JSRP1: variants seen among roughly 807,000 people sequenced by gnomAD.
The protein encoded by JSRP1 is junctional sarcoplasmic reticulum protein 1.
A neutral mutation model predicts 21.4 loss-of-function variants in JSRP1; 29 were observed. The observed-to-expected ratio is 1.36, with a 90% confidence interval of 1.01 to 1.85. JSRP1 has a LOEUF of 1.85. Among genes scored for constraint, JSRP1 ranks in the 40% most tolerant of loss-of-function variants. The pLI is 0.00. For missense variants in JSRP1, 531 were observed against 461.5 expected (o/e 1.15, Z -1.38); for synonymous variants, 221 against 206.1 (o/e 1.07, Z -0.62).
chr19:2,255,069 CA>C lies in JSRP1; in HGVS notation c.109+136del, dbSNP rs541040992. 1,891 of 521,092 alleles carry C rather than the reference CA, an allele frequency of 3.6e-3. 30 individuals carry two copies. Among genetic ancestry groups the C allele is most frequent in the African/African-American group, 0.032 (1,653 of 51,480 alleles). The allele number at this position is 521,092 out of a possible 1,614,324, so 32.3% of individuals were successfully genotyped here. A position where few individuals can be genotyped will look rare whatever the true frequency, so the allele number is the denominator to read the frequency against. On this transcript the variant is annotated intron_variant, in intron 2 of 6. Transcript: ENST00000300961. The stretch of plus-strand genomic sequence containing the variant: ...AGACCCCTGAGGCAGAAATGAGGGC[CA>C]GGGGTTGAACATGGGGAGCACACTA...
Position 2,255,187 on chromosome 19 carries a change from G to T in JSRP1, c.109+19C>A. 3.9e-6 allele frequency: 6 copies of T among 1,549,666 alleles called. No individual in the cohort carries two copies. The highest frequency in any genetic ancestry group is 5.3e-6 in the Non-Finnish European group (6 of 1,132,384). On this transcript the variant is annotated intron_variant, in intron 2 of 6. Coordinates refer to ENST00000300961, the MANE Select transcript of JSRP1 (RefSeq NM_144616.4). Reference sequence around the variant, plus strand: ...GACCATCAGGGAAGGGCTTCCTCCCGCCAGCGCCACAAGGGTACCTGAAGC... The same window carrying T: ...GACCATCAGGGAAGGGCTTCCTCCCTCCAGCGCCACAAGGGTACCTGAAGC...
In JSRP1 at chr19:2,253,743, G is replaced by C; in HGVS notation, c.313C>G (p.Gln105Glu). The change falls in exon 5 of 7, where the codon CAG becomes GAG. Residue 105 changes from glutamine (Q) to glutamate (E), a missense_variant. By Grantham distance (29) the Gln-to-Glu change is conservative. Transcript: ENST00000300961. ...AGGGCCGGGGGCGGCGGCGGCGGCT[G>C]CAGGGGCGGCGCGGTCTGCGCCTTC... ...RKKAQTAPPLQPPPPPPALSE... is the reference protein window; with the variant it reads ...RKKAQTAPPLEPPPPPPALSE... 1 of 1,483,070 alleles carries C rather than the reference G, an allele frequency of 6.7e-7. No homozygotes were observed. The highest frequency in any genetic ancestry group is 2.3e-5 in the Admixed American group (1 of 42,686). 91.9% of individuals were successfully genotyped at this position (1,483,070 alleles called of 1,614,324 possible).
rs1442603676 is a variant in JSRP1, at chr19:2,253,753, C to A, written c.303G>T (p.Ala101=). ...SVPARKKAQT[A]PPLQPPPPPP... is the part of the protein sequence containing the mutation. ...GCGGCGGCGGCGGCTGCAGGGGCGG[C>A]GCGGTCTGCGCCTTCTTGCGCGCGG... Residue 101 remains alanine, a synonymous_variant, in exon 5 of 7, where the codon GCG becomes GCT. Transcript: ENST00000300961. 3 of 1,468,944 alleles carry A rather than the reference C, an allele frequency of 2.0e-6. No homozygotes were observed. Among genetic ancestry groups the A allele is most frequent in the Admixed American group, 2.5e-5 (1 of 39,978 alleles). 91.0% of individuals were successfully genotyped at this position (1,468,944 alleles called of 1,614,324 possible). A position where few individuals can be genotyped will look rare whatever the true frequency, so the allele number is the denominator to read the frequency against.
chr19:2,252,746 G>A lies in JSRP1; in HGVS notation c.579C>T (p.Ala193=). 1.2e-6 allele frequency: 2 copies of A among 1,612,522 alleles called. No homozygotes were observed. Among genetic ancestry groups the A allele is most frequent in the Non-Finnish European group, 1.7e-6 (2 of 1,179,870 alleles). The change falls in exon 7 of 7, where the codon GCC becomes GCT. Residue 193 remains alanine, a synonymous_variant. Transcript: ENST00000300961. ...GAATCTTGGGTCTGACCTCTGCCTCGGCCCGGGGCGCAGGCGGCGCTGATG... is the reference window on the plus strand; with the variant it reads ...GAATCTTGGGTCTGACCTCTGCCTCAGCCCGGGGCGCAGGCGGCGCTGATG... ...APPSAPPAPR[A]EAEVRPKIPG... is the part of the protein sequence containing the mutation.
In JSRP1 at chr19:2,252,348, G is replaced by A; in HGVS notation, c.977C>T (p.Ala326Val). 2 of 1,530,306 alleles carry A rather than the reference G, an allele frequency of 1.3e-6. No individual in the cohort carries two copies. Among genetic ancestry groups the A allele is most frequent in the African/African-American group, 1.4e-5 (1 of 72,684 alleles). 94.8% of individuals were successfully genotyped at this position (1,530,306 alleles called of 1,614,324 possible). The change falls in exon 7 of 7, where the codon GCA (alanine) becomes GTA (valine). Residue 326 changes from alanine (A) to valine (V), a missense_variant. Ala to Val is a moderately conservative substitution (Grantham distance 64). Coordinates refer to ENST00000300961, the MANE Select transcript of JSRP1 (RefSeq NM_144616.4). ...GCCGGCTCAGTCCCGCCCCTTGCCT[G>A]CGCGGAGCTTCTGGCGACTCCCAGG... Reference protein sequence around the residue: ...QRPGSRQKLRAGKGRD With the variant: ...QRPGSRQKLRVGKGRD
intron 1 of JSRP1, 88 bp from the exon 2 acceptor site, chr19:2,255,432 A>C: frequency 1.8e-6 from 1 of 569,068 alleles, no homozygotes; most frequent in Non-Finnish European, 3.1e-6. Flanking sequence ...GACACCAACT[A>C]ACAGGCCCCG....
intron 2 of JSRP1, 73 bp from the exon 3 acceptor site, chr19:2,254,555 G>A: frequency 6.4e-7 from 1 of 1,564,002 alleles, no homozygotes; most frequent in Non-Finnish European, 8.8e-7. Context: ...TGGCCCTGCT[G>A]GGTGACGTGC....
chr19:2,252,929 C>G lies in JSRP1; in HGVS notation c.511G>C (p.Glu171Gln). The change falls in exon 6 of 7, where the codon GAG (glutamate) becomes CAG (glutamine). Residue 171 changes from glutamate to glutamine, a missense_variant. Glu to Gln is a conservative substitution (Grantham distance 29). Coordinates refer to ENST00000300961, the MANE Select transcript of JSRP1 (RefSeq NM_144616.4). ...PWVPPSSAPR[E>Q]PSSPLPKFEA... ...GCTCTTACCAGGGGCGACGATGGCT[C>G]CCTCGGGGCTGAGCTTGGCGGGACC... is the stretch of plus-strand genomic sequence containing the variant. 1 of 1,609,854 alleles carries G rather than the reference C, an allele frequency of 6.2e-7. No individual in the cohort carries two copies. Among genetic ancestry groups the G allele is most frequent in the African/African-American group, 1.3e-5 (1 of 75,030 alleles).
rs867439234 is a variant in JSRP1 at position 2,252,546 on chromosome 19, C to T, written c.779G>A (p.Arg260Lys). ...PRKEERPKKE[R>K]PRKEERPRAA... is the part of the protein sequence containing the mutation. ...CCGTGGCCTCTCCTCTTTCCGCGGCCTCTCTTTCTTAGGTCTCTCCTCCTT... is the reference window on the plus strand; with the variant it reads ...CCGTGGCCTCTCCTCTTTCCGCGGCTTCTCTTTCTTAGGTCTCTCCTCCTT... The change falls in exon 7 of 7, where the codon AGG (arginine) becomes AAG (lysine). Residue 260 changes from arginine (R) to lysine (K), a missense_variant. Coordinates refer to ENST00000300961, the MANE Select transcript of JSRP1 (RefSeq NM_144616.4). 7 of 1,612,884 alleles carry T rather than the reference C, an allele frequency of 4.3e-6. No homozygotes were observed. The highest frequency in any genetic ancestry group is 1.3e-5 in the African/African-American group (1 of 75,032).
chr19:2,253,040 C>T (rs1405996333), intron 5 of JSRP1, 37 bp from the exon 6 acceptor site: 1 of 1,459,104 alleles, frequency 6.9e-7, no homozygotes, highest in Admixed American at 1.9e-5. Context: ...TCAGCTGGGC[C>T]GAGGCACGGT....
At chr19:2,253,550 C>G in intron 5 of JSRP1, 70 bp downstream of exon 5, 1 of 1,347,924 alleles carries the variant, frequency 7.4e-7, no homozygotes, top group Non-Finnish European at 9.6e-7. Flanking sequence ...CGGCACAGCG[C>G]CTTTCCTTGG....
Position 2,252,792 on chromosome 19 carries a change from T to G in JSRP1, c.533A>C (p.Lys178Thr). The stretch of plus-strand genomic sequence containing the variant: ...TGATGGAGGCGCCTGGGCCTCGAAC[T>G]TAGGCTGCAAGACAGAGTGGGGTCC... The part of the protein sequence containing the change: ...APREPSSPLP[K>T]FEAQAPPSAP... Residue 178 changes from lysine to threonine, a missense_variant, in exon 7 of 7, where the codon AAG becomes ACG. Transcript: ENST00000300961. 1.2e-6 allele frequency: 2 copies of G among 1,611,030 alleles called. No individual in the cohort carries two copies. Among genetic ancestry groups the G allele is most frequent in the Non-Finnish European group, 1.7e-6 (2 of 1,179,188 alleles).
chr19:2,252,828 G>T (rs866076150), intron 6 of JSRP1, 32 bp from the exon 7 acceptor site: 1 of 1,595,638 alleles, frequency 6.3e-7, no homozygotes, highest in African/African-American at 1.3e-5. Context: ...TGGGGTAAGC[G>T]CCCACCTTCC....
At position 2,254,231 on chromosome 19, in the gene JSRP1, C is replaced by CT; in HGVS notation, c.217dup (p.Arg73LysfsTer106). 6.2e-7 allele frequency: 1 copy of CT among 1,605,802 alleles called. No homozygotes were observed. Among genetic ancestry groups the CT allele is most frequent in the Non-Finnish European group, 8.5e-7 (1 of 1,176,464 alleles). ...CTCCTTCCCCGTTCCTGGGGTCCCC[C>CT]TGGCGGCAGGCTCTTTTTCCATCTT... On this transcript the variant is annotated frameshift_variant, in exon 4 of 7. Coordinates refer to ENST00000300961, the MANE Select transcript of JSRP1 (RefSeq NM_144616.4). LOFTEE classifies it high-confidence loss of function.
rs1452697256 is a variant in JSRP1, at chr19:2,256,374, C to G, written c.-31+9G>C. The G allele has an allele frequency of 6.6e-6, 1 of 152,510 alleles. No homozygotes were observed. The highest frequency in any genetic ancestry group is 6.5e-5 in the Admixed American group (1 of 15,290). The allele number at this position is 152,510 out of a possible 1,614,324, so 9.4% of individuals were successfully genotyped here. A position where few individuals can be genotyped will look rare whatever the true frequency, so the allele number is the denominator to read the frequency against. On this transcript the variant is annotated intron_variant, in intron 1 of 6. Coordinates refer to ENST00000300961, the MANE Select transcript of JSRP1 (RefSeq NM_144616.4). ...CAGCCTCACTTCCTTACCCCCGAGC[C>G]TCGCTTACCCGCCAGCCGCTTTGCT... is the stretch of plus-strand genomic sequence containing the variant.
chr19:2,254,552 G>T, intron 2 of JSRP1, 70 bp from the exon 3 acceptor site: 1 of 1,565,192 alleles, frequency 6.4e-7, no homozygotes, highest in Non-Finnish European at 8.8e-7. Context: ...CCCTGGCCCT[G>T]CTGGGTGACG....
chr19:2,253,272 G>T (rs910855186), intron 5 of JSRP1, among the ~76,000 whole-genome samples: 3 of 150,844 alleles, frequency 2.0e-5, no homozygotes, highest in Non-Finnish European at 4.5e-5. Flanking sequence ...AGGGGTCGCA[G>T]GAGTGCCCCC....
intron 3 of JSRP1, 37 bp from the exon 4 acceptor site, chr19:2,254,338 C>G (rs752830193): frequency 1.0e-5 from 16 of 1,595,344 alleles, no homozygotes; most frequent in Non-Finnish European, 1.4e-5. Context: ...TGTTTCCTTC[C>G]AGTGCCAAAC....
intron 4 of JSRP1, 71 bp downstream of exon 4, chr19:2,254,116 A>T: frequency 8.2e-7 from 1 of 1,215,654 alleles, no homozygotes; most frequent in South Asian, 1.4e-5. Flanking sequence ...CCAAGGACCC[A>T]GCTCCGGCAC....
Sources: gnomAD v4.1 joint callset for allele counts (sites outside exome capture counted in the v4.1 genomes callset) on GRCh38, gnomAD v4.1.1 for gene constraint, MANE v1.5 for transcripts, NCBI Gene and HGNC (gene_info 2026-07-23, HGNC 2026-07-21) for gene names.